TRPM5: variants seen among roughly 807,000 people sequenced by gnomAD.
TRPM5 encodes the protein MLSN1 and TRP-related.
In TRPM5, 121 loss-of-function variants were observed where a neutral mutation model predicts 124.9. The ratio of observed to expected loss-of-function variants is 0.97; its 90% CI spans 0.84 to 1.13. The LOEUF (loss-of-function observed/expected upper bound fraction) is 1.13. TRPM5 is among the 50% of genes most tolerant of loss of function. The pLI, the probability that TRPM5 is intolerant of heterozygous loss-of-function variation, is 0.00. For synonymous variants in TRPM5, 781 were observed against 700.5 expected (o/e 1.11, Z -1.81); for missense variants, 1,643 against 1,589.1 (o/e 1.03, Z -0.58).
chr11:2,415,439 G>A, exon 9 of TRPM5: 1 of 1,585,446 alleles, frequency 6.3e-7, no homozygotes, highest in Non-Finnish European at 8.5e-7. Context: ...TGCTGACCAG[G>A]GCGTCCACCA....
chr11:2,407,196 A>AAGGGCGGGGCC lies in TRPM5; in HGVS notation c.3030_3040dup (p.Phe1014TrpfsTer11), dbSNP rs1390558859. On this transcript the variant is annotated frameshift_variant, in exon 20 of 24. Transcript: ENST00000155858. LOFTEE classifies it high-confidence loss of function. The stretch of plus-strand genomic sequence containing the variant: ...CAGGCTCAGGTGGCTGAGCAGGATG[A>AAGGGCGGGGCC]AGGGCGGGGCCAGGGCGGGGCGCTC... The AAGGGCGGGGCC allele has an allele frequency of 1.1e-5, 18 of 1,611,038 alleles. No homozygotes were observed. Among genetic ancestry groups the AAGGGCGGGGCC allele is most frequent in the East Asian group, 2.2e-5 (1 of 44,836 alleles).
At chr11:2,432,960 G>A in the TRPM5 span, among the ~76,000 whole-genome samples, 48 of 152,352 alleles carry the variant, frequency 3.2e-4, 2 homozygotes, top group South Asian at 9.7e-3. Flanking sequence ...CTGTGTCCAA[G>A]GCCTCCGGGC....
chr11:2,422,812 C>T, intron 1 of TRPM5, 108 bp downstream of exon 6: 1 of 961,866 alleles, frequency 1.0e-6, no homozygotes, highest in East Asian at 2.4e-5. Context: ...GGGGAGCAGA[C>T]CCCAGGGGTG....
chr11:2,423,202 G>A (rs187779236), upstream of TRPM5, among the ~76,000 whole-genome samples: 179 of 152,226 alleles, frequency 1.2e-3, no homozygotes, highest in African/African-American at 4.3e-3. Context: ...TCTGCCCCAG[G>A]GACCTTCTCT....
chr11:2,415,360 G>A (rs144529534), exon 9 of TRPM5: 43 of 1,586,780 alleles, frequency 2.7e-5, no homozygotes, highest in East Asian at 4.5e-5. Flanking sequence ...TCCTGCAGCC[G>A]CCCATACGTC....
At chr11:2,423,053 G>A, upstream of TRPM5, 1 of 1,598,682 alleles carries the variant, frequency 6.3e-7, no homozygotes, top group African/African-American at 1.3e-5. Flanking sequence ...CTCTAGAGCT[G>A]CAGGGATACC....
At chr11:2,407,778 G>A in exon 19 of TRPM5, 1 of 1,613,850 alleles carries the variant, frequency 6.2e-7, no homozygotes, top group Non-Finnish European at 8.5e-7. Flanking sequence ...GCGATGAGCA[G>A]GTTCATGAGC....
At chr11:2,414,686 G>T in intron 11 of TRPM5, 29 bp downstream of exon 16, 1 of 1,516,048 alleles carries the variant, frequency 6.6e-7, no homozygotes. Flanking sequence ...CCCCGCGCGC[G>T]GGCCCGGCCC....
At chr11:2,411,488 C>CACGCTCAGAAAGAAGAGGAAGAAGAAG in exon 18 of TRPM5, 1 of 1,610,908 alleles carries the variant, frequency 6.2e-7, no homozygotes, top group East Asian at 2.2e-5. Flanking sequence ...CCACGAGCCA[C>CACGCTCAGAAAGAAGAGGAAGAAGAAG]ACGCTCAGAA....
At chr11:2,410,673 A>G (rs1189496928) in intron 18 of TRPM5, 3 of 451,072 alleles carry the variant, frequency 6.7e-6, no homozygotes, top group Non-Finnish European at 1.3e-5. Flanking sequence ...CCCCCTCCCC[A>G]CTGCACTGGC....
chr11:2,416,691 A>G (rs1283060609), intron 7 of TRPM5, among the ~76,000 whole-genome samples: 1 of 152,080 alleles, frequency 6.6e-6, no homozygotes, highest in African/African-American at 2.4e-5. Flanking sequence ...CGCAGTCCAG[A>G]CACCCTTCCC....
chr11:2,423,844 C>T (rs560913454), upstream of TRPM5, among the ~76,000 whole-genome samples: 2 of 152,286 alleles, frequency 1.3e-5, no homozygotes, highest in East Asian at 3.9e-4. Context: ...CGCCCTGGCT[C>T]CGCCCCTGCC....
the TRPM5 span, among the ~76,000 whole-genome samples, chr11:2,436,084 G>A: frequency 1.6e-4 from 24 of 152,210 alleles, no homozygotes; most frequent in South Asian, 2.5e-3. Flanking sequence ...CCCCCACACC[G>A]TAACCCAGCA....
intron 18 of TRPM5, among the ~76,000 whole-genome samples, chr11:2,410,288 C>T (rs895145600): frequency 6.6e-6 from 1 of 152,174 alleles, no homozygotes; most frequent in Admixed American, 6.5e-5. Context: ...GTGTTTGCTC[C>T]GGTCTGGCCG....
chr11:2,430,100 G>A, the TRPM5 span, among the ~76,000 whole-genome samples: 2 of 152,152 alleles, frequency 1.3e-5, no homozygotes, highest in South Asian at 4.1e-4. Context: ...TTCAGTGCCA[G>A]GTCATGTTCC....
At chr11:2,410,805 G>C (rs769331600) in intron 18 of TRPM5, 2 of 398,596 alleles carry the variant, frequency 5.0e-6, no homozygotes, top group Non-Finnish European at 9.9e-6. Context: ...GAGCAGCCAG[G>C]GTGCCTTTAG....
exon 3 of TRPM5, chr11:2,421,172 G>A (rs755108010): frequency 1.4e-5 from 21 of 1,541,376 alleles, no homozygotes; most frequent in East Asian, 9.8e-5. Context: ...AGGCCCACGC[G>A]GAGGGCACTG....
chr11:2,441,941 G>A, the TRPM5 span, among the ~76,000 whole-genome samples: 14 of 152,088 alleles, frequency 9.2e-5, no homozygotes, highest in African/African-American at 2.9e-4. This position sits in a 1 kb window ranked among gnomAD's most constrained non-coding sequence, Gnocchi z 7.2. Flanking sequence ...AGCCTGCCTC[G>A]GCCTCCCAAA....
chr11:2,422,420 C>T, intron 1 of TRPM5, 99 bp from the exon 7 acceptor site: 3 of 933,298 alleles, frequency 3.2e-6, no homozygotes, highest in Non-Finnish European at 4.5e-6. Context: ...TGGGGAGGTG[C>T]TGAGCATGGG....
Sources: gnomAD v4.1 joint callset for allele counts (sites outside exome capture counted in the v4.1 genomes callset) on GRCh38, gnomAD v4.1.1 for gene constraint, Gnocchi (gnomAD v3.1) non-coding constraint, MANE v1.5 for transcripts, NCBI Gene and HGNC (gene_info 2026-07-23, HGNC 2026-07-21) for gene names.